The following GRM8 variants were observed in gnomAD, a reference collection of about 807,000 sequenced individuals.
The protein encoded by GRM8 is metabotropic glutamate receptor 8.
GRM8 carries 47 observed loss-of-function variants against 87.2 expected under a neutral mutation model. That is an observed-to-expected ratio of 0.54 (90% CI 0.43 to 0.69). The LOEUF is 0.69. GRM8 is among the 30% of genes least tolerant of loss of function. The probability of loss-of-function intolerance (pLI) is 0.00; values close to 1 mark genes in which losing one functional copy is unlikely to be tolerated. For missense variants in GRM8, 1,019 were observed against 1,139.2 expected (o/e 0.89, Z 1.52); for synonymous variants, 396 against 404.5 (o/e 0.98, Z 0.25).
At chr7:126,736,030 T>G (rs546573369) in intron 7 of GRM8, among the ~76,000 whole-genome samples, 1 of 152,064 alleles carries the variant, frequency 6.6e-6, no homozygotes, top group Non-Finnish European at 1.5e-5. Context: ...TAATGTTAAG[T>G]TCTTCCAGAA....
chr7:126,720,395 G>A (rs969694061), intron 7 of GRM8, among the ~76,000 whole-genome samples: 1 of 152,074 alleles, frequency 6.6e-6, no homozygotes, highest in Non-Finnish European at 1.5e-5. Flanking sequence ...TCCTGCCTCA[G>A]CTGGGATTAC....
At chr7:127,033,549 T>A (rs1396540564) in intron 3 of GRM8, among the ~76,000 whole-genome samples, 3 of 152,142 alleles carry the variant, frequency 2.0e-5, no homozygotes, top group Admixed American at 2.0e-4. Flanking sequence ...ATGAGAAAAC[T>A]GAAGATTTAA....
At chr7:126,885,860 A>G (rs1319071279) in intron 6 of GRM8, among the ~76,000 whole-genome samples, 1 of 152,182 alleles carries the variant, frequency 6.6e-6, no homozygotes, top group African/African-American at 2.4e-5. Flanking sequence ...TAATCACAAT[A>G]AAGTTTCTTA....
At chr7:126,597,314 G>A (rs932555724) in intron 8 of GRM8, among the ~76,000 whole-genome samples, 1 of 151,932 alleles carries the variant, frequency 6.6e-6, no homozygotes, top group Non-Finnish European at 1.5e-5. Flanking sequence ...TATCTACAAT[G>A]GGAGGCTACA....
At chr7:127,200,722 T>C (rs1425713438) in intron 2 of GRM8, among the ~76,000 whole-genome samples, 3 of 152,228 alleles carry the variant, frequency 2.0e-5, no homozygotes, top group Non-Finnish European at 4.4e-5. Context: ...CTTTCGCCCC[T>C]GTGTGTGTGT....
intron 9 of GRM8, among the ~76,000 whole-genome samples, chr7:126,496,299 A>G (rs1808725373): frequency 6.6e-6 from 1 of 151,940 alleles, no homozygotes. Flanking sequence ...AAAGAAGGAA[A>G]GGGAAGAAAC....
intron 9 of GRM8, among the ~76,000 whole-genome samples, chr7:126,516,601 C>T (rs1812203106): frequency 6.6e-6 from 1 of 151,988 alleles, no homozygotes. Flanking sequence ...AGTATGCTTC[C>T]AGTAGGATAG....
chr7:126,826,438 T>G (rs1012804447), intron 6 of GRM8, among the ~76,000 whole-genome samples: 10 of 152,202 alleles, frequency 6.6e-5, no homozygotes, highest in South Asian at 4.1e-4. Context: ...GGTATCTCAT[T>G]GTGGTTTTGA....
chr7:126,462,740 A>C (rs1433039815), intron 9 of GRM8, among the ~76,000 whole-genome samples: 1 of 151,544 alleles, frequency 6.6e-6, no homozygotes, highest in Non-Finnish European at 1.5e-5. Context: ...TCAAGTGAAA[A>C]CTTTTATTGT....
At chr7:126,777,898 C>T (rs1819645400) in intron 6 of GRM8, among the ~76,000 whole-genome samples, 1 of 152,220 alleles carries the variant, frequency 6.6e-6, no homozygotes, top group Admixed American at 6.5e-5. Flanking sequence ...GTGATAAAGA[C>T]CAACGCTAAT....
At chr7:126,653,787 C>T (rs2151255756) in intron 7 of GRM8, among the ~76,000 whole-genome samples, 1 of 152,308 alleles carries the variant, frequency 6.6e-6, no homozygotes, top group African/African-American at 2.4e-5. Context: ...TTTTCTTTCT[C>T]ATCAAAGAGC....
chr7:126,788,420 A>AAAAAAC lies in GRM8; in HGVS notation c.1157-18356_1157-18355insGTTTTT. Among the ~76,000 whole-genome samples the AAAAAAC allele has an allele frequency of 1.6e-4, 13 of 81,134 alleles. 2 individuals are homozygous for AAAAAAC. The highest frequency in any genetic ancestry group is 2.7e-4 in the African/African-American group (6 of 21,824). The allele number at this position is 81,134 out of a possible 152,430, so 53.2% of individuals were successfully genotyped here. On this transcript the variant is annotated intron_variant, in intron 6 of 10. Transcript: ENST00000339582. ...GCAAGACTCCATCTCAAAAAAAAAA[A>AAAAAAC]AAACCCTTTCAGATATCTTTAACAT...
At chr7:126,600,095 G>A (rs1426525908) in intron 8 of GRM8, among the ~76,000 whole-genome samples, 2 of 152,080 alleles carry the variant, frequency 1.3e-5, no homozygotes, top group Non-Finnish European at 2.9e-5. Context: ...CCTAGTTTAA[G>A]GTGATCATTG....
At chr7:126,947,521 ATG>A in intron 3 of GRM8, among the ~76,000 whole-genome samples, 1 of 152,044 alleles carries the variant, frequency 6.6e-6, no homozygotes, top group African/African-American at 2.4e-5. Context: ...GTTTATCTTA[ATG>A]TATATATATT....
intron 7 of GRM8, among the ~76,000 whole-genome samples, chr7:126,738,504 T>C (rs1196103369): frequency 1.3e-5 from 2 of 151,916 alleles, no homozygotes; most frequent in African/African-American, 4.8e-5. Context: ...CTCACTAAGA[T>C]GAGAAACTCA....
chr7:126,992,114 T>C (rs908174845), intron 3 of GRM8, among the ~76,000 whole-genome samples: 1 of 152,208 alleles, frequency 6.6e-6, no homozygotes, highest in Non-Finnish European at 1.5e-5. Flanking sequence ...AAAAAAACTG[T>C]AGCCAATAAA....
intron 3 of GRM8, among the ~76,000 whole-genome samples, chr7:127,073,803 C>A (rs1821972153): frequency 6.6e-6 from 1 of 152,094 alleles, no homozygotes; most frequent in Admixed American, 6.5e-5. Flanking sequence ...CAGCTTTTTT[C>A]AGACATTTTT....
At chr7:127,211,334 A>G (rs541608547) in intron 2 of GRM8, among the ~76,000 whole-genome samples, 2 of 152,328 alleles carry the variant, frequency 1.3e-5, no homozygotes, top group South Asian at 4.1e-4. Context: ...GTTTGAGGGC[A>G]GGAAGCATCC....
At chr7:126,795,749 C>T (rs1016414204) in intron 6 of GRM8, among the ~76,000 whole-genome samples, 20 of 151,872 alleles carry the variant, frequency 1.3e-4, no homozygotes, top group East Asian at 3.9e-4. Flanking sequence ...TGTGGATAAA[C>T]GCAGGCACAA....
Sources: gnomAD v4.1 joint callset for allele counts (sites outside exome capture counted in the v4.1 genomes callset) on GRCh38, gnomAD v4.1.1 for gene constraint, MANE v1.5 for transcripts, NCBI Gene and HGNC (gene_info 2026-07-23, HGNC 2026-07-21) for gene names.